The following NLRP4 variants were observed in gnomAD, a reference collection of about 807,000 sequenced individuals.
NLRP4 encodes NACHT, LRR and PYD domains-containing protein 4.
Under a neutral mutation model 84.7 loss-of-function variants are expected in NLRP4, and 44 were observed. The ratio of observed to expected loss-of-function variants is 0.52; its 90% CI spans 0.41 to 0.67. NLRP4 has a LOEUF of 0.67. Ranked by LOEUF, NLRP4 falls within the 30% of genes least tolerant of loss-of-function variation. The pLI, the probability that NLRP4 is intolerant of heterozygous loss-of-function variation, is 0.00. For missense variants in NLRP4, 1,260 were observed against 1,219.4 expected, an observed-to-expected ratio of 1.03 and a Z score of -0.50; for synonymous variants, 544 against 476.4, an observed-to-expected ratio of 1.14 and a Z score of -1.85.
In NLRP4 at chr19:55,852,028, T is replaced by G. The variant is rs952041382; in HGVS notation, c.-53T>G. 7.4e-7 allele frequency: 1 copy of G among 1,342,998 alleles called. No individual in the cohort carries two copies. Among genetic ancestry groups the G allele is most frequent in the Non-Finnish European group, 1.0e-6 (1 of 960,766 alleles). 83.2% of individuals were successfully genotyped at this position (1,342,998 alleles called of 1,614,324 possible). A position where few individuals can be genotyped will look rare whatever the true frequency, so the allele number is the denominator to read the frequency against. On this transcript the variant is annotated 5_prime_UTR_variant, in exon 2 of 10. Coordinates refer to ENST00000301295, the MANE Select transcript of NLRP4 (RefSeq NM_134444.5). ...GAATTTTCTACAGGTTTTATTTATT[T>G]ATTGTTCCTGGTCACTGTCTCTTTG...
At chr19:55,878,215 C>G (rs1032723378) in intron 8 of NLRP4, among the ~76,000 whole-genome samples, 1 of 152,012 alleles carries the variant, frequency 6.6e-6, no homozygotes, top group Non-Finnish European at 1.5e-5. Context: ...TGCAATGAGC[C>G]ATGATCATGC....
At chr19:55,837,078 CATACTA>C (rs1464246800) in intron 1 of NLRP4, 144 bp downstream of exon 1, 1 of 152,192 alleles carries the variant, frequency 6.6e-6, no homozygotes, top group Admixed American at 6.5e-5. Flanking sequence ...CTAGTTGACT[CATACTA>C]ATTATGTATA....
intron 3 of NLRP4, among the ~76,000 whole-genome samples, chr19:55,859,926 CAAAAAAAAA>C (rs1166037425): frequency 5.7e-5 from 1 of 17,494 alleles, no homozygotes; most frequent in Non-Finnish European, 1.0e-4. Flanking sequence ...CTCTCATCTC[CAAAAAAAAA>C]AAAAAAAAAA....
intron 7 of NLRP4, 69 bp from the exon 8 acceptor site, chr19:55,876,927 G>T (rs531348019): frequency 6.1e-6 from 8 of 1,310,040 alleles, no homozygotes; most frequent in African/African-American, 1.5e-5. Flanking sequence ...TCGTGCTTTG[G>T]TGTCTCTTTT....
At chr19:55,879,358 G>A (rs189959250) in intron 9 of NLRP4, among the ~76,000 whole-genome samples, 7 of 152,288 alleles carry the variant, frequency 4.6e-5, no homozygotes, top group African/African-American at 9.6e-5. Context: ...TGGATTGCCC[G>A]ATCCATGGTG....
At chr19:55,873,046 T>C (rs1032788635) in intron 7 of NLRP4, among the ~76,000 whole-genome samples, 1 of 152,118 alleles carries the variant, frequency 6.6e-6, no homozygotes, top group Non-Finnish European at 1.5e-5. Context: ...CAACCTAGAA[T>C]TCTATAGCCA....
chr19:55,867,406 T>C (rs979858609), intron 5 of NLRP4, among the ~76,000 whole-genome samples: 9 of 151,214 alleles, frequency 6.0e-5, no homozygotes, highest in South Asian at 4.2e-4. Context: ...TCAGGTTGGC[T>C]GTCTCTGTAC....
chr19:55,837,288 C>T (rs1484044160), intron 1 of NLRP4, among the ~76,000 whole-genome samples: 1 of 152,046 alleles, frequency 6.6e-6, no homozygotes, highest in Non-Finnish European at 1.5e-5. Context: ...AGATGAAAAA[C>T]TGTACACCAA....
chr19:55,851,029 C>G (rs1186597509), intron 1 of NLRP4, among the ~76,000 whole-genome samples: 1 of 125,906 alleles, frequency 7.9e-6, no homozygotes, highest in Non-Finnish European at 1.6e-5. Context: ...GGTGTAATGT[C>G]CGAGGCTGCG....
At chr19:55,876,137 G>C (rs1985359789) in intron 7 of NLRP4, among the ~76,000 whole-genome samples, 2 of 152,176 alleles carry the variant, frequency 1.3e-5, no homozygotes, top group Admixed American at 6.5e-5. Flanking sequence ...AGACAGACCA[G>C]AGACACAGAA....
intron 3 of NLRP4, among the ~76,000 whole-genome samples, chr19:55,860,269 G>A (rs1053538036): frequency 1.3e-5 from 2 of 152,174 alleles, no homozygotes; most frequent in South Asian, 2.1e-4. Context: ...ACAGGCGTGA[G>A]CCACCGTGCC....
chr19:55,860,134 C>T (rs899569657), intron 3 of NLRP4, among the ~76,000 whole-genome samples: 22 of 151,808 alleles, frequency 1.4e-4, no homozygotes, highest in African/African-American at 2.9e-4. Context: ...TAGAGGGGCC[C>T]GCCACCACAC....
chr19:55,879,865 T>A (rs1985519703), intron 9 of NLRP4, among the ~76,000 whole-genome samples: 1 of 151,994 alleles, frequency 6.6e-6, no homozygotes, highest in African/African-American at 2.4e-5. Flanking sequence ...GTTTATATTT[T>A]AAATATTTAT....
intron 3 of NLRP4, among the ~76,000 whole-genome samples, chr19:55,859,926 C>CAAAAAAAAAAAAAAAA (rs1166037425): frequency 1.7e-4 from 3 of 17,494 alleles, no homozygotes; most frequent in African/African-American, 6.6e-4. Flanking sequence ...CTCTCATCTC[C>CAAAAAAAAAAAAAAAA]AAAAAAAAAA....
intron 5 of NLRP4, among the ~76,000 whole-genome samples, chr19:55,863,217 C>T (rs1372106566): frequency 2.0e-5 from 3 of 152,196 alleles, no homozygotes; most frequent in Admixed American, 6.5e-5. Context: ...AAGAGTACAT[C>T]CTATGGCTTT....
intron 6 of NLRP4, among the ~76,000 whole-genome samples, chr19:55,869,488 T>C (rs77806381): frequency 6.6e-6 from 1 of 152,154 alleles, no homozygotes; most frequent in East Asian, 1.9e-4. Context: ...GAAATGCAGA[T>C]CTTGTGTCTG....
chr19:55,850,828 T>TGTAATTC (rs1984086082), intron 1 of NLRP4, among the ~76,000 whole-genome samples: 4 of 69,842 alleles, frequency 5.7e-5, no homozygotes, highest in African/African-American at 1.1e-4. Flanking sequence ...CGGTGTAATG[T>TGTAATTC]CCGAGGCTGC....
At position 55,877,142 on chromosome 19, in the gene NLRP4, C is replaced by A; in HGVS notation, c.2672C>A (p.Thr891Lys). 1.9e-6 allele frequency: 3 copies of A among 1,613,762 alleles called. No individual in the cohort carries two copies. The highest frequency in any genetic ancestry group is 2.5e-6 in the Non-Finnish European group (3 of 1,179,750). The change falls in exon 8 of 10, where the codon ACG (threonine) becomes AAG (lysine). Residue 891 changes from threonine to lysine, a missense_variant. Transcript: ENST00000301295. Reference sequence around the variant, plus strand: ...CTGTTGTGTCGGGCTCTGACGCATACGGATTGCCGCTTAGAGATTCTTGGG... The same window carrying A: ...CTGTTGTGTCGGGCTCTGACGCATAAGGATTGCCGCTTAGAGATTCTTGGG... ...VQLLCRALTHTDCRLEILGLE... is the reference protein window; with the variant it reads ...VQLLCRALTHKDCRLEILGLE...
In NLRP4 at chr19:55,868,503, CT is replaced by C. The variant is rs58089624; in HGVS notation, c.2354+642del. ...CAGGAGAATATATATGCATTTGTGT[CT>C]TTTTTTTTTTTTTTGAGTTTTGAGT... On this transcript the variant is annotated intron_variant, in intron 6 of 9. Coordinates refer to ENST00000301295, the MANE Select transcript of NLRP4 (RefSeq NM_134444.5). Among the ~76,000 whole-genome samples the C allele has an allele frequency of 1.8e-3, 249 of 139,866 alleles. 1 individual carries two copies. The highest frequency in any genetic ancestry group is 0.015 in the Middle Eastern group (4 of 272). 91.8% of individuals were successfully genotyped at this position (139,866 alleles called of 152,430 possible).
Sources: gnomAD v4.1 joint callset for allele counts (sites outside exome capture counted in the v4.1 genomes callset) on GRCh38, gnomAD v4.1.1 for gene constraint, MANE v1.5 for transcripts, NCBI Gene and HGNC (gene_info 2026-07-23, HGNC 2026-07-21) for gene names.